Variants in TRPM3 observed in about 807,000 individuals in gnomAD.
TRPM3 encodes the protein transient receptor potential cation channel subfamily M member 3, also known as long transient receptor potential channel 3.
TRPM3 carries 77 observed loss-of-function variants against 181.2 expected under a neutral mutation model. The ratio of observed to expected loss-of-function variants is 0.42; its 90% CI spans 0.35 to 0.51. The LOEUF (loss-of-function observed/expected upper bound fraction) is 0.51, where lower values mean the gene tolerates loss of function less well. TRPM3 is among the 20% of genes least tolerant of loss of function. The pLI is 0.01. For missense variants in TRPM3, 1,759 were observed against 2,196.7 expected (o/e 0.80, Z 3.98); for synonymous variants, 745 against 796.4 (o/e 0.94, Z 1.09).
intron 12 of TRPM3, among the ~76,000 whole-genome samples, chr9:70,633,971 G>A (rs1479337867): frequency 2.6e-5 from 4 of 152,142 alleles, no homozygotes; most frequent in Admixed American, 6.5e-5. Context: ...TTTCTGGGAT[G>A]GATTTAAGGG....
intron 9 of TRPM3, 61 bp from the exon 10 acceptor site, chr9:70,640,721 C>T (rs2057935745): frequency 7.7e-7 from 1 of 1,300,196 alleles, no homozygotes; most frequent in East Asian, 2.4e-5. Context: ...AGTTATTACA[C>T]CAAGAGCGCC....
chr9:71,168,137 A>G (rs781437795), intron 1 of TRPM3, among the ~76,000 whole-genome samples: 54 of 152,272 alleles, frequency 3.5e-4, no homozygotes, highest in Non-Finnish European at 7.2e-4. Flanking sequence ...TAGTAGTATT[A>G]TTTGCATGAT....
chr9:70,877,623 C>T (rs1336276609), intron 1 of TRPM3, among the ~76,000 whole-genome samples: 1 of 151,904 alleles, frequency 6.6e-6, no homozygotes, highest in East Asian at 1.9e-4. Flanking sequence ...ATTATAAACT[C>T]ATTAATCACT....
chr9:71,116,545 C>T lies in TRPM3; in HGVS notation c.177+4633G>A, dbSNP rs116071508. 8.2e-3 allele frequency among the ~76,000 whole-genome samples: 1,255 copies of T among 152,244 alleles called. 13 individuals carry two copies. The highest frequency in any genetic ancestry group is 0.028 in the African/African-American group (1,182 of 41,524). On this transcript the variant is annotated intron_variant, in intron 1 of 25. Transcript: ENST00000677713. ...TTTGCTTCAGAGACAATAGAAAGAACATTGGTTATCATTATATGGAATTAT... is the reference window on the plus strand; with the variant it reads ...TTTGCTTCAGAGACAATAGAAAGAATATTGGTTATCATTATATGGAATTAT...
chr9:71,079,589 G>A (rs1266081794), intron 1 of TRPM3, among the ~76,000 whole-genome samples: 1 of 152,154 alleles, frequency 6.6e-6, no homozygotes, highest in African/African-American at 2.4e-5. Flanking sequence ...CCCTCTGGTT[G>A]GAGATAAGCT....
At chr9:70,758,577 A>G (rs989573302) in intron 8 of TRPM3, among the ~76,000 whole-genome samples, 1 of 152,192 alleles carries the variant, frequency 6.6e-6, no homozygotes, top group African/African-American at 2.4e-5. Flanking sequence ...CTGGCTTCAA[A>G]CTATACTGGG....
At chr9:70,554,616 C>A (rs181950059) in intron 22 of TRPM3, among the ~76,000 whole-genome samples, 6 of 152,156 alleles carry the variant, frequency 3.9e-5, no homozygotes, top group Non-Finnish European at 8.8e-5. Context: ...CCTGAGGGTG[C>A]CCCAGGCATC....
At chr9:71,333,949 G>T (rs1226990158) in intron 1 of TRPM3, among the ~76,000 whole-genome samples, 2 of 151,782 alleles carry the variant, frequency 1.3e-5, no homozygotes, top group Non-Finnish European at 2.9e-5. Flanking sequence ...ACATCTGAAG[G>T]TTAAAGGGAA....
chr9:71,104,009 G>A (rs1271317620), intron 1 of TRPM3, among the ~76,000 whole-genome samples: 2 of 151,856 alleles, frequency 1.3e-5, no homozygotes, highest in South Asian at 2.1e-4. Context: ...CCACCTCCCT[G>A]GTTCAAGCGA....
At chr9:71,176,723 T>C (rs1021105867) in intron 1 of TRPM3, among the ~76,000 whole-genome samples, 3 of 152,140 alleles carry the variant, frequency 2.0e-5, no homozygotes, top group African/African-American at 4.8e-5. Flanking sequence ...GCTCCATTCA[T>C]GGTGCATGCC....
intron 6 of TRPM3, among the ~76,000 whole-genome samples, chr9:70,785,668 T>G (rs1344530424): frequency 6.6e-6 from 1 of 152,174 alleles, no homozygotes; most frequent in African/African-American, 2.4e-5. Flanking sequence ...AGGATTTGGT[T>G]TCTTGCTCGG....
At position 70,537,292 on chromosome 9, in the gene TRPM3, C is replaced by T. The variant is rs202213081; in HGVS notation, c.3821G>A (p.Arg1274His). The T allele has an allele frequency of 6.4e-6, 10 of 1,556,458 alleles. No individual in the cohort carries two copies. In the African/African-American group the frequency reaches 6.9e-5, roughly 11 times the overall value. ...RLAQLEDLIG[R>H]MATALERLTG... Reference sequence around the variant, plus strand: ...CAGGCGCTCCAGGGCCGTGGCCATGCGCCCGATAAGGTCTTCCAGCTGCGC... The same window carrying T: ...CAGGCGCTCCAGGGCCGTGGCCATGTGCCCGATAAGGTCTTCCAGCTGCGC... The change falls in exon 26 of 26, where the codon CGC (arginine) becomes CAC (histidine). Residue 1274 changes from arginine to histidine, a missense_variant. Arg to His is a conservative substitution (Grantham distance 29). This residue lies in a region of TRPM3 where 612 missense variants were observed against 590.0 expected (regional missense o/e 1.04). Transcript: ENST00000677713.
chr9:70,880,527 C>T (rs536759858), intron 1 of TRPM3, among the ~76,000 whole-genome samples: 17 of 152,114 alleles, frequency 1.1e-4, no homozygotes, highest in African/African-American at 4.1e-4. Context: ...TAAAATTGTG[C>T]CCACAGGGTC....
intron 1 of TRPM3, among the ~76,000 whole-genome samples, chr9:71,107,176 G>A (rs1051520215): frequency 6.6e-5 from 10 of 152,032 alleles, no homozygotes; most frequent in East Asian, 1.9e-4. Context: ...AGTCCCTCAC[G>A]CCACTCTCTT....
intron 1 of TRPM3, among the ~76,000 whole-genome samples, chr9:70,945,576 A>G (rs532405127): frequency 6.6e-6 from 1 of 152,282 alleles, no homozygotes; most frequent in South Asian, 2.1e-4. Context: ...CAGGACATTA[A>G]CCAACTCCCC....
chr9:71,444,033 G>C (rs1464964325), intron 1 of TRPM3, among the ~76,000 whole-genome samples: 1 of 152,056 alleles, frequency 6.6e-6, no homozygotes, highest in African/African-American at 2.4e-5. Context: ...ACAAAAATTA[G>C]CTGGGTGTGG....
intron 19 of TRPM3, among the ~76,000 whole-genome samples, chr9:70,606,025 G>A (rs2061027067): frequency 6.6e-6 from 1 of 152,230 alleles, no homozygotes; most frequent in Non-Finnish European, 1.5e-5. Context: ...AATGTGTTCA[G>A]TGGAAGGAAG....
chr9:71,417,394 G>A lies in TRPM3; in HGVS notation c.183+29259C>T, dbSNP rs553569350. 3.6e-4 allele frequency among the ~76,000 whole-genome samples: 54 copies of A among 151,942 alleles called. 1 individual carries two copies. The South Asian group carries it at 7.9e-3, about 22-fold the overall frequency. Reference sequence around the variant, plus strand: ...CTTGAATTTCCCTGATAAACGAATGGTATTGAGCATCTCTTTATGTGCTTA... The same window carrying A: ...CTTGAATTTCCCTGATAAACGAATGATATTGAGCATCTCTTTATGTGCTTA... On this transcript the variant is annotated intron_variant, in intron 1 of 24. Coordinates refer to the TRPM3 transcript ENST00000357533.
chr9:70,610,670 G>C lies in TRPM3; in HGVS notation c.2606C>G (p.Pro869Arg). The C allele has an allele frequency of 6.2e-7, 1 of 1,614,138 alleles. No homozygotes were observed. The highest frequency in any genetic ancestry group is 8.5e-7 in the Non-Finnish European group (1 of 1,179,996). Reference sequence around the variant, plus strand: ...GAATTCATAGATTTTTCTGCCGAGGGGGATTAACCGGTGCTTGCTCTGAAC... The same window carrying C: ...GAATTCATAGATTTTTCTGCCGAGGCGGATTAACCGGTGCTTGCTCTGAAC... The part of the protein sequence containing the change: ...EEVQSKHRLI[P>R]LGRKIYEFYN... Residue 869 changes from proline (P) to arginine (R), a missense_variant, in exon 19 of 26, where the codon CCC becomes CGC. This residue lies in a region of TRPM3 where 114 missense variants were observed against 134.8 expected (regional missense o/e 0.85). Coordinates refer to ENST00000677713, the MANE Select transcript of TRPM3 (RefSeq NM_001366145.2).
Sources: allele counts gnomAD v4.1 joint callset (sites outside exome capture counted in the v4.1 genomes callset), GRCh38; gene constraint gnomAD v4.1.1; regional missense constraint gnomAD v4.1.1; transcripts MANE v1.5; gene names NCBI Gene and HGNC (gene_info 2026-07-23, HGNC 2026-07-21).